ZNF324B: variants seen among roughly 807,000 people sequenced by gnomAD.
ZNF324B encodes zinc finger protein 324B.
ZNF324B carries 7 observed loss-of-function variants against 10.6 expected under a neutral mutation model. The ratio of observed to expected loss-of-function variants is 0.66; its 90% CI spans 0.38 to 1.24. The LOEUF (loss-of-function observed/expected upper bound fraction) is 1.24, where lower values mean the gene tolerates loss of function less well. Among genes scored for constraint, ZNF324B ranks in the 50% most tolerant of loss-of-function variants. The probability of loss-of-function intolerance (pLI) is 0.02; values close to 1 mark genes in which losing one functional copy is unlikely to be tolerated. For missense variants in ZNF324B, 640 were observed against 764.7 expected (o/e 0.84, Z 1.92); for synonymous variants, 316 against 321.0 (o/e 0.98, Z 0.17).
At chr19:58,427,355 T>TTTCC in the ZNF324B span, among the ~76,000 whole-genome samples, 1 of 50,998 alleles carries the variant, frequency 2.0e-5, no homozygotes, top group Admixed American at 2.7e-4. Context: ...CTTTCCTTTC[T>TTTCC]TTCTTTCTTT....
At position 58,455,176 on chromosome 19, in the gene ZNF324B, C is replaced by G. The variant is rs763505707; in HGVS notation, c.239-7C>G. ...GCCCCAGGCAACCACCGTTTCTCTG[C>G]GTTTAGGTTCCTGGAGTTTGACAGA... On this transcript the variant is annotated splice_polypyrimidine_tract_variant and splice_region_variant and intron_variant, in intron 3 of 3. Transcript: ENST00000336614. This position sits in a 1 kb window ranked among gnomAD's most constrained non-coding sequence, Gnocchi z 7.0. 1.9e-6 allele frequency: 3 copies of G among 1,613,978 alleles called. No homozygotes were observed. The highest frequency in any genetic ancestry group is 1.3e-5 in the African/African-American group (1 of 74,824).
At chr19:58,427,441 TCC>T in the ZNF324B span, among the ~76,000 whole-genome samples, 2 of 84,296 alleles carry the variant, frequency 2.4e-5, no homozygotes, top group African/African-American at 1.7e-4. Flanking sequence ...CTTCCTTCCT[TCC>T]TTTCCTTTCC....
rs771821008 is a variant in ZNF324B at position 58,456,305 on chromosome 19, G to A, written c.1361G>A (p.Arg454His). ...CTGCACACGGGCGAGCGGCCCTTCC[G>A]CTGCGTGGACTGTGGCAAGGGTTTC... is the stretch of plus-strand genomic sequence containing the variant. ...QLLHTGERPF[R>H]CVDCGKGFAK... The change falls in exon 4 of 4, where the codon CGC becomes CAC. Residue 454 changes from arginine to histidine, a missense_variant. Physicochemically the swap from Arg to His is conservative, Grantham distance 29 (BLOSUM62 0). Around this residue, in one of 3 missense-constraint regions of ZNF324B, gnomAD observed 238 missense variants for 258.0 expected, o/e 0.92. Transcript: ENST00000336614. The surrounding 1 kb of genome is among the most constrained non-coding windows in gnomAD (Gnocchi z 4.7). 5.0e-6 allele frequency: 8 copies of A among 1,612,646 alleles called. No homozygotes were observed. The Admixed American group carries it at 5.0e-5, about 10-fold the overall frequency.
At chr19:58,435,026 TC>T in the ZNF324B span, 5 of 1,614,058 alleles carry the variant, frequency 3.1e-6, no homozygotes, top group East Asian at 2.2e-5. Context: ...GTGTAGGGTT[TC>T]TCCTCAGACT....
the ZNF324B span, chr19:58,430,667 C>T: frequency 6.6e-6 from 1 of 152,222 alleles, no homozygotes; most frequent in African/African-American, 2.4e-5. Flanking sequence ...TCCTTAGATG[C>T]AGGGGTTTTC....
the ZNF324B span, chr19:58,418,735 G>A: frequency 6.6e-6 from 1 of 152,060 alleles, no homozygotes; most frequent in African/African-American, 2.4e-5. Context: ...TCAGCGTATT[G>A]AATAGCTAGG....
In ZNF324B at chr19:58,455,416, A is replaced by G. The variant is rs35780677; in HGVS notation, c.472A>G (p.Ile158Val). Reference sequence around the variant, plus strand: ...AGGCTCGCGCAGTGACCAGGCCAGCATCAGCCTGCGACTGACCTCCCCACT... The same window carrying G: ...AGGCTCGCGCAGTGACCAGGCCAGCGTCAGCCTGCGACTGACCTCCCCACT... ...LLGSRSDQAS[I>V]SLRLTSPLRP... Residue 158 changes from isoleucine to valine, a missense_variant, in exon 4 of 4, where the codon ATC becomes GTC. By Grantham distance (29) the Ile-to-Val change is conservative. Coordinates refer to ENST00000336614, the MANE Select transcript of ZNF324B (RefSeq NM_207395.3). The surrounding 1 kb of genome is among the most constrained non-coding windows in gnomAD (Gnocchi z 7.0). The G allele has an allele frequency of 5.2e-5, 84 of 1,614,088 alleles. No homozygotes were observed. In the African/African-American group the frequency reaches 1.0e-3, roughly 19 times the overall value.
At chr19:58,450,456 C>A (rs2052847637), upstream of ZNF324B, among the ~76,000 whole-genome samples, 2 of 136,602 alleles carry the variant, frequency 1.5e-5, no homozygotes, top group Non-Finnish European at 1.6e-5. Flanking sequence ...GAGAGTGAGA[C>A]CCTGTCTCAA....
the ZNF324B span, chr19:58,435,134 G>A: frequency 6.2e-7 from 1 of 1,614,136 alleles, no homozygotes. Context: ...TCTGCATTAG[G>A]GATCCTGACC....
chr19:58,457,025 C>G lies in ZNF324B; in HGVS notation c.*446C>G, dbSNP rs1252218596. 5.3e-6 allele frequency: 1 copy of G among 188,174 alleles called. No individual in the cohort carries two copies. Among genetic ancestry groups the G allele is most frequent in the Admixed American group, 5.3e-5 (1 of 18,952 alleles). 11.7% of individuals were successfully genotyped at this position (188,174 alleles called of 1,614,324 possible). A position where few individuals can be genotyped will look rare whatever the true frequency, so the allele number is the denominator to read the frequency against. On this transcript the variant is annotated 3_prime_UTR_variant, in exon 4 of 4. Transcript: ENST00000336614. ...AGACGGACGCTGAGGACATTTTCCC[C>G]CTGAGGCCTCTATTCAAGGCTTCCT...
chr19:58,439,269 C>A, the ZNF324B span, among the ~76,000 whole-genome samples: 1 of 152,184 alleles, frequency 6.6e-6, no homozygotes, highest in Non-Finnish European at 1.5e-5. Context: ...ACCATCCCTC[C>A]AGTCTGCTGC....
chr19:58,455,409 G>A lies in ZNF324B; in HGVS notation c.465G>A (p.Gln155=), dbSNP rs1236055657. The change falls in exon 4 of 4, where the codon CAG becomes CAA. Residue 155 remains glutamine (Q), a synonymous_variant. Transcript: ENST00000336614. This position sits in a 1 kb window ranked among gnomAD's most constrained non-coding sequence, Gnocchi z 7.0. The part of the protein sequence containing the change: ...ERLLLGSRSD[Q]ASISLRLTSP... Reference sequence around the variant, plus strand: ...TCCTGCTAGGCTCGCGCAGTGACCAGGCCAGCATCAGCCTGCGACTGACCT... The same window carrying A: ...TCCTGCTAGGCTCGCGCAGTGACCAAGCCAGCATCAGCCTGCGACTGACCT... The A allele has an allele frequency of 1.2e-6, 2 of 1,614,094 alleles. No homozygotes were observed. The highest frequency in any genetic ancestry group is 3.3e-5 in the Admixed American group (2 of 60,012).
the ZNF324B span, chr19:58,443,986 G>C: frequency 2.0e-5 from 3 of 152,388 alleles, no homozygotes; most frequent in African/African-American, 4.8e-5. Flanking sequence ...GACCTGGCTG[G>C]TGGACAGGGT....
chr19:58,455,548 G>C lies in ZNF324B; in HGVS notation c.604G>C (p.Val202Leu). ...PERQKPCAQE[V>L]PGRAFGNASD... ...GCGGCAGAAGCCATGTGCACAGGAG[G>C]TCCCTGGGAGAGCCTTCGGGAATGC... is the stretch of plus-strand genomic sequence containing the variant. The change falls in exon 4 of 4, where the codon GTC becomes CTC. Residue 202 changes from valine to leucine, a missense_variant. Transcript: ENST00000336614. This position sits in a 1 kb window ranked among gnomAD's most constrained non-coding sequence, Gnocchi z 7.0. The C allele has an allele frequency of 3.1e-6, 5 of 1,614,118 alleles. No individual in the cohort carries two copies. Among genetic ancestry groups the C allele is most frequent in the Non-Finnish European group, 3.4e-6 (4 of 1,180,024 alleles).
At chr19:58,421,146 A>G in the ZNF324B span, among the ~76,000 whole-genome samples, 14 of 152,072 alleles carry the variant, frequency 9.2e-5, no homozygotes, top group South Asian at 4.2e-4. Context: ...TGCCATGGCA[A>G]TGGCGGGCCT....
At chr19:58,445,138 T>G in the ZNF324B span, 19 of 290,208 alleles carry the variant, frequency 6.5e-5, no homozygotes, top group East Asian at 2.4e-3. Context: ...CAAAAACAAA[T>G]TAACACCGGA....
the ZNF324B span, chr19:58,432,277 G>A: frequency 3.9e-6 from 2 of 517,244 alleles, no homozygotes; most frequent in Non-Finnish European, 7.7e-6. Context: ...TGAAGTGAAT[G>A]TACATGACAT....
At chr19:58,451,097 G>A (rs2052852401), upstream of ZNF324B, among the ~76,000 whole-genome samples, 1 of 152,132 alleles carries the variant, frequency 6.6e-6, no homozygotes, top group Non-Finnish European at 1.5e-5. Flanking sequence ...TTGGTGTAGA[G>A]GTTGAAAAAC....
At position 58,454,211 on chromosome 19, in the gene ZNF324B, C is replaced by T; in HGVS notation, c.122-17C>T. 2 of 1,585,938 alleles carry T rather than the reference C, an allele frequency of 1.3e-6. No individual in the cohort carries two copies. Among genetic ancestry groups the T allele is most frequent in the South Asian group, 1.1e-5 (1 of 90,376 alleles). ...GTCTTGACCTGGGGCTGGGCTCTCA[C>T]CTGCTCCTCCTCACAGGACTCTCTA... On this transcript the variant is annotated splice_polypyrimidine_tract_variant and intron_variant, in intron 2 of 3. Transcript: ENST00000336614.
Sources: gnomAD v4.1 joint callset for allele counts (sites outside exome capture counted in the v4.1 genomes callset) on GRCh38, gnomAD v4.1.1 for gene constraint, gnomAD v4.1.1 regional missense constraint, Gnocchi (gnomAD v3.1) non-coding constraint, MANE v1.5 for transcripts, NCBI Gene and HGNC (gene_info 2026-07-23, HGNC 2026-07-21) for gene names.